Variants in MYO18B observed in about 807,000 individuals in gnomAD.
MYO18B encodes unconventional myosin-XVIIIb.
In MYO18B, 204 loss-of-function variants were observed where a neutral mutation model predicts 273.0. The ratio of observed to expected loss-of-function variants is 0.75; its 90% CI spans 0.67 to 0.84. The LOEUF is 0.84. Among genes scored for constraint, MYO18B ranks in the 40% least tolerant of loss-of-function variants. The pLI is 0.00. For missense variants in MYO18B, 3,212 were observed against 3,287.6 expected (o/e 0.98, Z 0.56); for synonymous variants, 1,330 against 1,305.7 (o/e 1.02, Z -0.40).
At chr22:25,755,485 C>T (rs937036753) in intron 1 of MYO18B, among the ~76,000 whole-genome samples, 8 of 152,218 alleles carry the variant, frequency 5.3e-5, no homozygotes, top group African/African-American at 1.4e-4. Context: ...GAGTTACAGG[C>T]GTGAGCCACC....
At chr22:26,001,959 A>G (rs945623267) in intron 40 of MYO18B, among the ~76,000 whole-genome samples, 4 of 152,206 alleles carry the variant, frequency 2.6e-5, no homozygotes, top group African/African-American at 4.8e-5. Context: ...TGTTTAGTCA[A>G]AGTAGGTGAG....
chr22:25,974,940 AC>A (rs2093072539), intron 39 of MYO18B, among the ~76,000 whole-genome samples: 1 of 152,204 alleles, frequency 6.6e-6, no homozygotes, highest in Non-Finnish European at 1.5e-5. Context: ...GCGATCCCTG[AC>A]ACTGGGAGAG....
At chr22:25,905,159 T>C (rs2092016915) in intron 31 of MYO18B, among the ~76,000 whole-genome samples, 1 of 147,134 alleles carries the variant, frequency 6.8e-6, no homozygotes, top group South Asian at 2.4e-4. Context: ...GAAGTGGGGA[T>C]GGGTGGGACA....
intron 3 of MYO18B, among the ~76,000 whole-genome samples, chr22:25,763,872 A>G (rs1412456168): frequency 6.6e-6 from 1 of 152,238 alleles, no homozygotes; most frequent in Non-Finnish European, 1.5e-5. Flanking sequence ...GGAAACCTAG[A>G]TACTGGCTAA....
At chr22:25,827,140 G>T (rs3884707) in intron 14 of MYO18B, among the ~76,000 whole-genome samples, 40,278 of 152,032 alleles carry the variant, frequency 0.26, 5,344 homozygotes, top group African/African-American at 0.27. Context: ...CTTTTGAGTG[G>T]CTACTGAGGG....
In MYO18B at chr22:25,955,171, C is replaced by T; in HGVS notation, c.5971-8C>T. 4 of 1,592,318 alleles carry T rather than the reference C, an allele frequency of 2.5e-6. No homozygotes were observed. In the South Asian group the frequency reaches 3.4e-5, roughly 14 times the overall value. On this transcript the variant is annotated splice_region_variant and splice_polypyrimidine_tract_variant and intron_variant, in intron 38 of 43. Transcript: ENST00000335473. ...TCCAAGGTGGGCATGTGTCTCTGCC[C>T]CTCCCAGGTCCTGGTGATCCGGCTT...
intron 39 of MYO18B, among the ~76,000 whole-genome samples, chr22:25,974,024 T>C (rs181284119): frequency 7.0e-4 from 106 of 152,332 alleles, no homozygotes; most frequent in African/African-American, 2.4e-3. Flanking sequence ...GCAAACGTTA[T>C]CATCTCACAT....
intron 17 of MYO18B, among the ~76,000 whole-genome samples, chr22:25,838,446 C>A (rs569361732): frequency 6.6e-6 from 1 of 152,122 alleles, no homozygotes; most frequent in African/African-American, 2.4e-5. Flanking sequence ...GTGATCCACC[C>A]GCCTCGGCCT....
intron 25 of MYO18B, among the ~76,000 whole-genome samples, chr22:25,888,117 T>C (rs938348569): frequency 6.6e-6 from 1 of 152,154 alleles, no homozygotes; most frequent in Non-Finnish European, 1.5e-5. Flanking sequence ...GAGGCCAAAA[T>C]TAGGAGGAGA....
At chr22:25,758,961 A>G (rs1252918112) in intron 1 of MYO18B, among the ~76,000 whole-genome samples, 1 of 152,026 alleles carries the variant, frequency 6.6e-6, no homozygotes, top group East Asian at 1.9e-4. Context: ...TCACCTTGTT[A>G]GCCAGGATGG....
At chr22:25,808,947 T>G (rs5761236) in intron 12 of MYO18B, among the ~76,000 whole-genome samples, 10,005 of 152,188 alleles carry the variant, frequency 0.066, 571 homozygotes, top group East Asian at 0.21. Flanking sequence ...GAGGCTGACC[T>G]GGGCGGTTTT....
intron 15 of MYO18B, 86 bp downstream of exon 15, chr22:25,829,054 A>G: frequency 3.6e-6 from 5 of 1,399,180 alleles, no homozygotes; most frequent in Non-Finnish European, 4.9e-6. Flanking sequence ...CCCATTCCCC[A>G]GGAGCCTGCA....
chr22:26,042,798 C>A, the MYO18B span, among the ~76,000 whole-genome samples: 1 of 152,248 alleles, frequency 6.6e-6, no homozygotes. Flanking sequence ...CTGGGCTAGG[C>A]ACCACAGAAC....
chr22:26,006,379 G>C (rs1477501169), intron 42 of MYO18B: 1 of 208,032 alleles, frequency 4.8e-6, no homozygotes. Flanking sequence ...AAAACAAAAA[G>C]TAGGCACTTT....
chr22:25,997,666 C>T (rs2146880587), intron 40 of MYO18B, among the ~76,000 whole-genome samples: 1 of 152,256 alleles, frequency 6.6e-6, no homozygotes, highest in Non-Finnish European at 1.5e-5. Flanking sequence ...TGTCTGATCA[C>T]AGTGCAATTA....
At chr22:25,914,855 C>A (rs1356826885) in intron 33 of MYO18B, among the ~76,000 whole-genome samples, 1 of 151,404 alleles carries the variant, frequency 6.6e-6, no homozygotes, top group Non-Finnish European at 1.5e-5. Flanking sequence ...TGCCACCATG[C>A]CTGGCTAATT....
chr22:25,810,253 A>G (rs1022819868), intron 12 of MYO18B, among the ~76,000 whole-genome samples: 1 of 150,170 alleles, frequency 6.7e-6, no homozygotes, highest in Non-Finnish European at 1.5e-5. Context: ...GCCCACCACC[A>G]TGCCCAGATG....
chr22:25,946,714 A>C (rs1388313563), intron 35 of MYO18B, among the ~76,000 whole-genome samples: 1 of 152,136 alleles, frequency 6.6e-6, no homozygotes, highest in East Asian at 1.9e-4. Flanking sequence ...TGGTTCTCAG[A>C]CATCTGCTGT....
chr22:26,027,833 T>C lies in MYO18B; in HGVS notation c.*12+143T>C. 1 of 881,022 alleles carries C rather than the reference T, an allele frequency of 1.1e-6. No individual in the cohort carries two copies. Among genetic ancestry groups the C allele is most frequent in the Non-Finnish European group, 1.7e-6 (1 of 594,262 alleles). The allele number at this position is 881,022 out of a possible 1,614,324, so 54.6% of individuals were successfully genotyped here. A position where few individuals can be genotyped will look rare whatever the true frequency, so the allele number is the denominator to read the frequency against. On this transcript the variant is annotated intron_variant, in intron 43 of 43. Transcript: ENST00000335473. The surrounding 1 kb of genome is among the most constrained non-coding windows in gnomAD (Gnocchi z 4.1). ...TTTTTAGAGGTTTTAGCTGAAGTCA[T>C]GTGTTGATGGATGCAAAGCTTTTCA...
Sources: allele counts gnomAD v4.1 joint callset (sites outside exome capture counted in the v4.1 genomes callset), GRCh38; gene constraint gnomAD v4.1.1; non-coding constraint Gnocchi (gnomAD v3.1); transcripts MANE v1.5; gene names NCBI Gene and HGNC (gene_info 2026-07-23, HGNC 2026-07-21).